Variants in NF1 observed in about 807,000 individuals in gnomAD.
NF1 encodes neurofibromin 1.
Under a neutral mutation model 325.7 loss-of-function variants are expected in NF1, and 122 were observed. That is an observed-to-expected ratio of 0.37 (90% CI 0.32 to 0.44). The LOEUF (loss-of-function observed/expected upper bound fraction) is 0.44, where lower values mean the gene tolerates loss of function less well. NF1 is among the 20% of genes least tolerant of loss of function. The pLI is 1.00. For synonymous variants in NF1, 1,091 were observed against 1,186.0 expected (o/e 0.92, Z 1.65); for missense variants, 2,140 against 3,415.4 (o/e 0.63, Z 9.31).
chr17:31,330,957 G>A (rs568169259), intron 39 of NF1: 310 of 154,868 alleles, frequency 2.0e-3, no homozygotes, highest in African/African-American at 7.1e-3. Flanking sequence ...CATAATACAG[G>A]GCCCAGAGTC....
intron 14 of NF1, 62 bp downstream of exon 14, chr17:31,219,180 GT>G: frequency 1.3e-6 from 2 of 1,536,462 alleles, no homozygotes; most frequent in Non-Finnish European, 1.8e-6. Flanking sequence ...CATTCATGAT[GT>G]TCCTTTGGTG....
Position 31,360,598 on chromosome 17 carries a change from C to G in NF1, c.8272C>G (p.Pro2758Ala), listed in dbSNP as rs2151587999. The change falls in exon 57 of 58, where the codon CCC (proline) becomes GCC (alanine). Residue 2758 changes from proline to alanine, a missense_variant. Transcript: ENST00000358273. ...AACCAGTGAAGAATCCCTCCTGACT[C>G]CCACATCTCCTTACCCTCCTGCACT... Reference protein sequence around the residue: ...EETSEESLLTPTSPYPPALQS... With the variant: ...EETSEESLLTATSPYPPALQS... 6.2e-7 allele frequency: 1 copy of G among 1,614,072 alleles called. No individual in the cohort carries two copies. The highest frequency in any genetic ancestry group is 8.5e-7 in the Non-Finnish European group (1 of 1,179,980).
At chr17:31,266,462 C>T (rs1343172940) in intron 36 of NF1, among the ~76,000 whole-genome samples, 1 of 152,156 alleles carries the variant, frequency 6.6e-6, no homozygotes, top group Non-Finnish European at 1.5e-5. Context: ...CTAAGTAACC[C>T]CTGCTCACCT....
chr17:31,287,845 A>AT (rs1315736197), intron 36 of NF1, among the ~76,000 whole-genome samples: 1 of 149,902 alleles, frequency 6.7e-6, no homozygotes, highest in African/African-American at 2.5e-5. Context: ...GGGCTCATTA[A>AT]TAACATATTC....
intron 29 of NF1, among the ~76,000 whole-genome samples, chr17:31,244,293 G>A (rs1401871803): frequency 6.6e-6 from 1 of 152,160 alleles, no homozygotes; most frequent in Non-Finnish European, 1.5e-5. Context: ...TGGGAGAGGG[G>A]TGATGTAAGC....
intron 11 of NF1, among the ~76,000 whole-genome samples, 194 bp downstream of exon 11, chr17:31,201,679 C>T (rs572921623): frequency 2.0e-5 from 3 of 152,020 alleles, no homozygotes; most frequent in East Asian, 1.9e-4. Context: ...AAGTCTTGAC[C>T]GAAGGGACCA....
chr17:31,125,050 C>T (rs1914764116), intron 1 of NF1, among the ~76,000 whole-genome samples: 1 of 151,610 alleles, frequency 6.6e-6, no homozygotes, highest in Admixed American at 6.6e-5. Context: ...TGTGGAAACA[C>T]CTCTATGGCC....
chr17:31,200,370 G>A (rs1567834939), intron 8 of NF1, 52 bp from the exon 9 acceptor site: 18 of 1,557,716 alleles, frequency 1.2e-5, no homozygotes, highest in Non-Finnish European at 2.7e-6. Context: ...AGCTACATCT[G>A]GAATAGAAGA....
chr17:31,320,310 T>G lies in NF1; in HGVS notation c.4836-5510T>G. 1.5e-6 allele frequency: 2 copies of G among 1,356,530 alleles called. 1 individual carries two copies. The highest frequency in any genetic ancestry group is 3.0e-5 in the South Asian group (2 of 67,126). The allele number at this position is 1,356,530 out of a possible 1,614,324, so 84.0% of individuals were successfully genotyped here. ...AAGAACCCTACGTATGCTATAGAAATTCTTCTCAAATGTACTTAGGAGTCC... is the reference window on the plus strand; with the variant it reads ...AAGAACCCTACGTATGCTATAGAAAGTCTTCTCAAATGTACTTAGGAGTCC... On this transcript the variant is annotated intron_variant, in intron 36 of 57. Transcript: ENST00000358273.
intron 30 of NF1, chr17:31,252,090 T>A (rs1174377436): frequency 9.4e-6 from 2 of 213,442 alleles, no homozygotes; most frequent in Non-Finnish European, 1.9e-5. Context: ...AACCAATATG[T>A]GCCTGGAGTT....
At chr17:31,340,970 A>G (rs1251632894) in intron 47 of NF1, among the ~76,000 whole-genome samples, 1 of 152,118 alleles carries the variant, frequency 6.6e-6, no homozygotes, top group Non-Finnish European at 1.5e-5. Context: ...AATAATATTA[A>G]TAGCTACCAT....
At chr17:31,196,017 A>C (rs2066428192) in intron 8 of NF1, among the ~76,000 whole-genome samples, 1 of 152,020 alleles carries the variant, frequency 6.6e-6, no homozygotes, top group Non-Finnish European at 1.5e-5. Flanking sequence ...GTTGTTTTTA[A>C]AGTCACTTTT....
intron 37 of NF1, among the ~76,000 whole-genome samples, chr17:31,326,728 C>T (rs750937157): frequency 6.6e-5 from 10 of 151,992 alleles, no homozygotes; most frequent in East Asian, 1.9e-4. Context: ...GGATATGAGA[C>T]GTATACATTT....
intron 30 of NF1, 114 bp downstream of exon 30, chr17:31,249,233 A>C: frequency 8.4e-7 from 1 of 1,186,230 alleles, no homozygotes. Flanking sequence ...ATACTGAGTC[A>C]GTTTGGATGA....
At chr17:31,282,962 C>T (rs1304702783) in intron 36 of NF1, among the ~76,000 whole-genome samples, 2 of 152,148 alleles carry the variant, frequency 1.3e-5, no homozygotes, top group Non-Finnish European at 2.9e-5. Flanking sequence ...TTTGATAAAT[C>T]CCTCCTTTTC....
chr17:31,225,149 ATTC>A lies in NF1; in HGVS notation c.1901_1903del (p.Ile634_Pro635delinsThr). On this transcript the variant is annotated inframe_deletion, in exon 17 of 58. Transcript: ENST00000358273. Reference sequence around the variant, plus strand: ...CCTTTTTTACGGGGTAGGATGTGATATTCCTTCTAGTGGAAATACCAGTCAAAT... The same window carrying A: ...CCTTTTTTACGGGGTAGGATGTGATACTTCTAGTGGAAATACCAGTCAAAT... 6.2e-7 allele frequency: 1 copy of A among 1,613,734 alleles called. No individual in the cohort carries two copies. Among genetic ancestry groups the A allele is most frequent in the South Asian group, 1.1e-5 (1 of 91,074 alleles).
At chr17:31,323,467 A>C (rs2151534684) in intron 36 of NF1, among the ~76,000 whole-genome samples, 1 of 152,116 alleles carries the variant, frequency 6.6e-6, no homozygotes, top group Non-Finnish European at 1.5e-5. Flanking sequence ...CCAGGTTGGG[A>C]CCAGGAAACT....
chr17:31,294,976 A>G, intron 36 of NF1: 1 of 1,613,816 alleles, frequency 6.2e-7, no homozygotes, highest in Non-Finnish European at 8.5e-7. Flanking sequence ...ATCAGGGAGG[A>G]GTGCTTTCAT....
rs564747068 is a variant in NF1, at chr17:31,183,504, T to C, written c.888+839T>C. 2.0e-5 allele frequency: 3 copies of C among 152,400 alleles called. No homozygotes were observed. In the East Asian group the frequency reaches 5.8e-4, roughly 29 times the overall value. 9.4% of individuals were successfully genotyped at this position (152,400 alleles called of 1,614,324 possible). ...AGTCTGTGATTGCGTGTTACTCCAC[T>C]TAGGTGTATATCTCAACTTTTCCAT... is the stretch of plus-strand genomic sequence containing the variant. On this transcript the variant is annotated intron_variant, in intron 8 of 57. Transcript: ENST00000358273.
Sources: allele counts gnomAD v4.1 joint callset (sites outside exome capture counted in the v4.1 genomes callset), GRCh38; gene constraint gnomAD v4.1.1; transcripts MANE v1.5; gene names NCBI Gene and HGNC (gene_info 2026-07-23, HGNC 2026-07-21).